Variants in CAMTA1 observed in about 807,000 individuals in gnomAD.
The protein encoded by CAMTA1 is calmodulin-binding transcription activator 1.
A neutral mutation model predicts 170.9 loss-of-function variants in CAMTA1; 27 were observed. That is an observed-to-expected ratio of 0.16 (90% CI 0.12 to 0.22). CAMTA1 has a LOEUF of 0.22. CAMTA1 is among the 10% of genes least tolerant of loss of function. CAMTA1 has a pLI of 1.00. For missense variants in CAMTA1, 1,619 were observed against 2,217.2 expected, an observed-to-expected ratio of 0.73 and a Z score of 5.42; for synonymous variants, 833 against 891.5, an observed-to-expected ratio of 0.93 and a Z score of 1.17.
At position 7,449,215 on chromosome 1, in the gene CAMTA1, A is replaced by G. The variant is rs183330351; in HGVS notation, c.439-18615A>G. 4.8e-3 allele frequency among the ~76,000 whole-genome samples: 730 copies of G among 152,368 alleles called. 19 individuals are homozygous for G. Among genetic ancestry groups the G allele is most frequent in the Admixed American group, 0.043 (660 of 15,300 alleles). On this transcript the variant is annotated intron_variant, in intron 5 of 22. Transcript: ENST00000303635. Reference sequence around the variant, plus strand: ...CAAGGCTGATAAAGCGAGGAGATGTAGGCCTAGACATTTGTCAGGATGGGG... The same window carrying G: ...CAAGGCTGATAAAGCGAGGAGATGTGGGCCTAGACATTTGTCAGGATGGGG...
Position 7,012,832 on chromosome 1 carries a change from GC to G in CAMTA1, c.235-78471del, listed in dbSNP as rs932279737. On this transcript the variant is annotated intron_variant, in intron 3 of 22. Transcript: ENST00000303635. ...GTGCAGACTCACATCTCTAAATGTAGCTTCCCGCCATGTGCCTGCGGGCTGG... is the reference window on the plus strand; with the variant it reads ...GTGCAGACTCACATCTCTAAATGTAGTTCCCGCCATGTGCCTGCGGGCTGG... 6.4e-4 allele frequency among the ~76,000 whole-genome samples: 98 copies of G among 152,236 alleles called. 1 individual carries two copies. The highest frequency in any genetic ancestry group is 2.3e-3 in the African/African-American group (96 of 41,534).
chr1:7,282,270 C>T (rs1293262781), intron 5 of CAMTA1, among the ~76,000 whole-genome samples: 1 of 152,134 alleles, frequency 6.6e-6, no homozygotes. Context: ...TGGCATTTTT[C>T]TGGTTTTCCA....
chr1:7,659,529 G>A (rs2095936279), intron 7 of CAMTA1, among the ~76,000 whole-genome samples: 1 of 151,980 alleles, frequency 6.6e-6, no homozygotes, highest in African/African-American at 2.4e-5. Flanking sequence ...GCGAGACTCT[G>A]TCTCAAAAAA....
rs1343618710 is a variant in CAMTA1 at position 7,014,980 on chromosome 1, A to G, written c.235-76324A>G. On this transcript the variant is annotated intron_variant, in intron 3 of 22. Coordinates refer to ENST00000303635, the MANE Select transcript of CAMTA1 (RefSeq NM_015215.4). This position sits in a 1 kb window ranked among gnomAD's most constrained non-coding sequence, Gnocchi z 4.2. ...TAAATGATCTGTACATTGTCCTCCA[A>G]CTCTGAGAGCCTCTGATCCTATTAT... Among the ~76,000 whole-genome samples the G allele has an allele frequency of 6.6e-6, 1 of 152,092 alleles. No individual in the cohort carries two copies. Among genetic ancestry groups the G allele is most frequent in the Non-Finnish European group, 1.5e-5 (1 of 68,004 alleles).
intron 3 of CAMTA1, among the ~76,000 whole-genome samples, chr1:7,048,469 C>T (rs137880883): frequency 6.6e-6 from 1 of 152,332 alleles, no homozygotes; most frequent in East Asian, 1.9e-4. Context: ...AATGGGTCTT[C>T]TCAGGAGAGG....
chr1:6,878,953 T>A (rs1670695162), intron 3 of CAMTA1, among the ~76,000 whole-genome samples: 1 of 152,228 alleles, frequency 6.6e-6, no homozygotes, highest in Non-Finnish European at 1.5e-5. Flanking sequence ...CATTTTCTAC[T>A]TGGTAGAACC....
intron 3 of CAMTA1, among the ~76,000 whole-genome samples, chr1:6,907,972 G>A (rs1180387077): frequency 6.6e-6 from 1 of 152,146 alleles, no homozygotes; most frequent in Non-Finnish European, 1.5e-5. Context: ...CGGCTCCCTC[G>A]CCAGCCTCGT....
chr1:7,604,945 C>G (rs1036772596), intron 6 of CAMTA1, among the ~76,000 whole-genome samples: 16 of 152,192 alleles, frequency 1.1e-4, no homozygotes, highest in African/African-American at 3.9e-4. Flanking sequence ...TGGAGGTCCA[C>G]TCCAGACCCT....
chr1:7,619,638 T>A lies in CAMTA1; in HGVS notation c.511-20762T>A, dbSNP rs1234844740. Among the ~76,000 whole-genome samples the A allele has an allele frequency of 1.3e-5, 2 of 151,794 alleles. 1 individual carries two copies. The highest frequency in any genetic ancestry group is 4.2e-4 in the South Asian group (2 of 4,800). Reference sequence around the variant, plus strand: ...CTGCCAAACACACACAATGACAAAATTGAGGAGAAATTGATTTTTTTTTTT... The same window carrying A: ...CTGCCAAACACACACAATGACAAAAATGAGGAGAAATTGATTTTTTTTTTT... On this transcript the variant is annotated intron_variant, in intron 6 of 22. Coordinates refer to ENST00000303635, the MANE Select transcript of CAMTA1 (RefSeq NM_015215.4).
In CAMTA1 at chr1:7,426,313, G is replaced by A. The variant is rs1365978559; in HGVS notation, c.439-41517G>A. Among the ~76,000 whole-genome samples, 1 of 152,072 alleles carries A rather than the reference G, an allele frequency of 6.6e-6. No individual in the cohort carries two copies. Among genetic ancestry groups the A allele is most frequent in the Admixed American group, 6.5e-5 (1 of 15,272 alleles). The stretch of plus-strand genomic sequence containing the variant: ...CTGTAGCCCCTCAGAGTCCTAGGGT[G>A]CCCTGCCTGGTGGGTGCATGGGGCC... On this transcript the variant is annotated intron_variant, in intron 5 of 22. Coordinates refer to ENST00000303635, the MANE Select transcript of CAMTA1 (RefSeq NM_015215.4). The surrounding 1 kb of genome is among the most constrained non-coding windows in gnomAD (Gnocchi z 4.8).
intron 3 of CAMTA1, among the ~76,000 whole-genome samples, chr1:6,917,565 G>A (rs1323820267): frequency 6.6e-6 from 1 of 151,960 alleles, no homozygotes; most frequent in Non-Finnish European, 1.5e-5. Context: ...TTGAGGGTGG[G>A]GGGAAGGGAG....
At chr1:7,017,869 A>G (rs888440338) in intron 3 of CAMTA1, among the ~76,000 whole-genome samples, 7 of 152,126 alleles carry the variant, frequency 4.6e-5, no homozygotes, top group Non-Finnish European at 8.8e-5. Flanking sequence ...ATTTCTCCAA[A>G]ATGCGTTGGT....
chr1:6,823,658 C>T (rs530255745), intron 2 of CAMTA1, among the ~76,000 whole-genome samples: 1 of 151,824 alleles, frequency 6.6e-6, no homozygotes, highest in Non-Finnish European at 1.5e-5. Flanking sequence ...AAGATCTTTT[C>T]CTTGAGAAGA....
chr1:7,463,532 C>T lies in CAMTA1; in HGVS notation c.439-4298C>T, dbSNP rs1020042836. ...AGAGACTGAGAAAGAGATTGAGAGA[C>T]AGGGAGAGACAGAGAGAGAAAGAAG... On this transcript the variant is annotated intron_variant, in intron 5 of 22. Coordinates refer to ENST00000303635, the MANE Select transcript of CAMTA1 (RefSeq NM_015215.4). This position sits in a 1 kb window ranked among gnomAD's most constrained non-coding sequence, Gnocchi z 4.7. Among the ~76,000 whole-genome samples, 1 of 151,126 alleles carries T rather than the reference C, an allele frequency of 6.6e-6. No homozygotes were observed. Among genetic ancestry groups the T allele is most frequent in the Non-Finnish European group, 1.5e-5 (1 of 67,832 alleles).
At chr1:6,947,902 C>T (rs1687833321) in intron 3 of CAMTA1, among the ~76,000 whole-genome samples, 1 of 151,972 alleles carries the variant, frequency 6.6e-6, no homozygotes, top group Non-Finnish European at 1.5e-5. Context: ...ACTTGTTTAT[C>T]AGTTCTAATA....
intron 3 of CAMTA1, among the ~76,000 whole-genome samples, chr1:6,900,196 T>C (rs1676631535): frequency 6.6e-6 from 1 of 152,186 alleles, no homozygotes; most frequent in Admixed American, 6.5e-5. Flanking sequence ...TTGGTAGTCA[T>C]CAGGCCTGCC....
In CAMTA1 at chr1:6,942,497, C is replaced by A. The variant is rs569595832; in HGVS notation, c.234+117287C>A. ...ACATAGTGAGACCCCTATTTCTACA[C>A]AAAAATAATGATAAAAAATTAGCTG... On this transcript the variant is annotated intron_variant, in intron 3 of 22. Coordinates refer to ENST00000303635, the MANE Select transcript of CAMTA1 (RefSeq NM_015215.4). Among the ~76,000 whole-genome samples, 4 of 151,862 alleles carry A rather than the reference C, an allele frequency of 2.6e-5. No individual in the cohort carries two copies. In the East Asian group the frequency reaches 5.8e-4, roughly 22 times the overall value.
chr1:7,221,823 C>T (rs1380604747), intron 4 of CAMTA1, among the ~76,000 whole-genome samples: 2 of 151,980 alleles, frequency 1.3e-5, no homozygotes, highest in Non-Finnish European at 2.9e-5. Context: ...AAGTTTTATC[C>T]CATGGTCAGG....
chr1:7,509,088 T>C (rs2094164030), intron 6 of CAMTA1, among the ~76,000 whole-genome samples: 1 of 152,138 alleles, frequency 6.6e-6, no homozygotes, highest in Non-Finnish European at 1.5e-5. Context: ...CTCACCCCAC[T>C]GGGATGGCTG....
Sources: allele counts gnomAD v4.1 joint callset (sites outside exome capture counted in the v4.1 genomes callset), GRCh38; gene constraint gnomAD v4.1.1; non-coding constraint Gnocchi (gnomAD v3.1); transcripts MANE v1.5; gene names NCBI Gene and HGNC (gene_info 2026-07-23, HGNC 2026-07-21).